Variants in SNX9 observed in about 807,000 individuals in gnomAD.
SNX9 encodes sorting nexin-9.
SNX9 carries 44 observed loss-of-function variants against 89.4 expected under a neutral mutation model. That is an observed-to-expected ratio of 0.49 (90% CI 0.39 to 0.63). The LOEUF is 0.63. Ranked by LOEUF, SNX9 falls within the 30% of genes least tolerant of loss-of-function variation. SNX9 has a pLI of 0.00. For synonymous variants in SNX9, 236 were observed against 247.8 expected, an observed-to-expected ratio of 0.95 and a Z score of 0.45; for missense variants, 578 against 736.1, an observed-to-expected ratio of 0.79 and a Z score of 2.49.
intron 5 of SNX9, among the ~76,000 whole-genome samples, chr6:157,898,039 A>C (rs548029833): frequency 2.6e-4 from 40 of 152,244 alleles, no homozygotes; most frequent in Non-Finnish European, 5.6e-4. Context: ...ACCAAATATC[A>C]GAACAAAAGA....
chr6:157,870,559 T>C (rs535169645), intron 2 of SNX9, among the ~76,000 whole-genome samples: 2 of 142,450 alleles, frequency 1.4e-5, no homozygotes, highest in South Asian at 2.3e-4. Context: ...TCTCACCTGC[T>C]CTCACACATA....
At chr6:157,908,489 C>T (rs2115177595) in intron 7 of SNX9, among the ~76,000 whole-genome samples, 1 of 152,244 alleles carries the variant, frequency 6.6e-6, no homozygotes, top group Non-Finnish European at 1.5e-5. Context: ...GAGCTACTGT[C>T]CTGCAGTCTG....
chr6:157,884,172 A>G (rs1480820551), intron 4 of SNX9, among the ~76,000 whole-genome samples: 1 of 152,174 alleles, frequency 6.6e-6, no homozygotes, highest in East Asian at 1.9e-4. Context: ...TCTTACAGAA[A>G]ATTCTCTGGC....
chr6:157,871,199 GCAAAACCTCATCTCTA>G (rs1353238968), intron 2 of SNX9, among the ~76,000 whole-genome samples: 4 of 152,120 alleles, frequency 2.6e-5, no homozygotes, highest in Non-Finnish European at 4.4e-5. Flanking sequence ...TAGTAACATG[GCAAAACCTCATCTCTA>G]CAAAAAATAC....
intron 10 of SNX9, among the ~76,000 whole-genome samples, chr6:157,922,066 A>G (rs1783595350): frequency 6.6e-6 from 1 of 152,216 alleles, no homozygotes. Context: ...GATGGCAGGA[A>G]AGGGAGAGGC....
chr6:157,927,921 T>C (rs984045017), intron 11 of SNX9, among the ~76,000 whole-genome samples: 2 of 144,952 alleles, frequency 1.4e-5, no homozygotes, highest in African/African-American at 2.6e-5. Context: ...ACCAAAAGTA[T>C]AGACAAGTAA....
chr6:157,921,689 G>A, intron 10 of SNX9, 28 bp downstream of exon 10: 1 of 1,600,890 alleles, frequency 6.2e-7, no homozygotes, highest in Non-Finnish European at 8.5e-7. Context: ...TATGGCATCA[G>A]AGAATATTGA....
intron 1 of SNX9, among the ~76,000 whole-genome samples, chr6:157,862,302 AT>A (rs1782151851): frequency 6.6e-6 from 1 of 152,214 alleles, no homozygotes; most frequent in Non-Finnish European, 1.5e-5. Flanking sequence ...GATGATCTTA[AT>A]AAGTCAAGAT....
intron 1 of SNX9, among the ~76,000 whole-genome samples, chr6:157,834,346 AT>A (rs545841463): frequency 1.7e-3 from 227 of 133,176 alleles, no homozygotes; most frequent in East Asian, 2.6e-3. Context: ...ATTTAAAAGA[AT>A]TTTTTTTTTT....
At chr6:157,840,472 TTC>T (rs542538171) in intron 1 of SNX9, among the ~76,000 whole-genome samples, 37 of 150,482 alleles carry the variant, frequency 2.5e-4, no homozygotes, top group Admixed American at 7.3e-4. Flanking sequence ...TCCTTCTCCC[TTC>T]TCTCTCTCTC....
intron 4 of SNX9, among the ~76,000 whole-genome samples, chr6:157,887,435 C>T (rs1343487477): frequency 1.3e-5 from 2 of 152,138 alleles, no homozygotes; most frequent in Non-Finnish European, 1.5e-5. Flanking sequence ...TCTGCAGTGT[C>T]CTCTGCAGTC....
rs552134910 is a variant in SNX9 at position 157,892,487 on chromosome 6, C to A, written c.301-4340C>A. ...GAGAGCGTTCCAGGAAAAAAAAAAA[C>A]AAAACCAAAGAGATAGAAACAAACA... On this transcript the variant is annotated intron_variant, in intron 4 of 17. Coordinates refer to ENST00000392185, the MANE Select transcript of SNX9 (RefSeq NM_016224.5). Among the ~76,000 whole-genome samples the A allele has an allele frequency of 1.9e-4, 29 of 150,656 alleles. No homozygotes were observed. The South Asian group carries it at 2.5e-3, about 13-fold the overall frequency.
At chr6:157,877,704 C>A (rs527545236) in intron 4 of SNX9, among the ~76,000 whole-genome samples, 19 of 152,084 alleles carry the variant, frequency 1.2e-4, no homozygotes, top group Non-Finnish European at 2.9e-5. Flanking sequence ...AGAGCGGGAA[C>A]CTCAGAGAAG....
intron 13 of SNX9, among the ~76,000 whole-genome samples, chr6:157,933,597 A>G (rs1783860957): frequency 1.3e-5 from 2 of 152,246 alleles, no homozygotes. Flanking sequence ...ACTCAAGGCC[A>G]GAACAGAGAA....
At chr6:157,849,439 A>C (rs1374542963) in intron 1 of SNX9, among the ~76,000 whole-genome samples, 4 of 152,214 alleles carry the variant, frequency 2.6e-5, no homozygotes, top group African/African-American at 9.6e-5. Flanking sequence ...AGCTGTGGGA[A>C]GCACTGGAAG....
intron 1 of SNX9, among the ~76,000 whole-genome samples, chr6:157,867,307 T>C (rs1373484290): frequency 6.6e-6 from 1 of 152,178 alleles, no homozygotes; most frequent in Admixed American, 6.5e-5. Context: ...AAATGCAATG[T>C]GGGCAGCTGC....
At chr6:157,897,069 T>C (rs990809485) in intron 5 of SNX9, 71 bp downstream of exon 5, 5 of 1,396,598 alleles carry the variant, frequency 3.6e-6, no homozygotes. Context: ...AAGACCGAAC[T>C]GTTTTTGCTG....
chr6:157,935,857 GA>G, intron 13 of SNX9, 106 bp from the exon 14 acceptor site: 1 of 810,002 alleles, frequency 1.2e-6, no homozygotes, highest in Non-Finnish European at 1.8e-6. Flanking sequence ...GAAAATGTTT[GA>G]AAGTTTCTAT....
intron 4 of SNX9, among the ~76,000 whole-genome samples, chr6:157,890,547 G>A (rs1583219600): frequency 6.6e-6 from 1 of 152,218 alleles, no homozygotes; most frequent in African/African-American, 2.4e-5. Flanking sequence ...GTTAGGAAGA[G>A]AGTCGGACAT....
Sources: allele counts gnomAD v4.1 joint callset (sites outside exome capture counted in the v4.1 genomes callset), GRCh38; gene constraint gnomAD v4.1.1; transcripts MANE v1.5; gene names NCBI Gene and HGNC (gene_info 2026-07-23, HGNC 2026-07-21).